Variants in ABTB2 observed in about 807,000 individuals in gnomAD.
ABTB2 encodes the protein ankyrin repeat and BTB/POZ domain-containing protein 2.
Under a neutral mutation model 104.1 loss-of-function variants are expected in ABTB2, and 56 were observed. The ratio of observed to expected loss-of-function variants is 0.54; its 90% CI spans 0.43 to 0.67. The LOEUF is 0.67. Ranked by LOEUF, ABTB2 falls within the 30% of genes least tolerant of loss-of-function variation. The probability of loss-of-function intolerance (pLI) is 0.00; values close to 1 mark genes in which losing one functional copy is unlikely to be tolerated. For missense variants in ABTB2, 1,279 were observed against 1,407.7 expected, an observed-to-expected ratio of 0.91 and a Z score of 1.46; for synonymous variants, 606 against 608.2, an observed-to-expected ratio of 1.00 and a Z score of 0.05.
intron 1 of ABTB2, among the ~76,000 whole-genome samples, chr11:34,220,768 C>G (rs968556919): frequency 6.6e-6 from 1 of 152,160 alleles, no homozygotes; most frequent in Non-Finnish European, 1.5e-5. Flanking sequence ...TATCAATTTG[C>G]TAGGGCTGCC....
Position 34,356,646 on chromosome 11 carries a change from C to T in ABTB2, c.883+55G>A. On this transcript the variant is annotated intron_variant, in intron 1 of 16. Coordinates refer to ENST00000435224, the MANE Select transcript of ABTB2 (RefSeq NM_145804.3). The surrounding 1 kb of genome is among the most constrained non-coding windows in gnomAD (Gnocchi z 4.6). Reference sequence around the variant, plus strand: ...TCAGGAAATTCACTCCCCCAGTAGCCCAGGGCGGGATTTCTTGCCTACCCA... The same window carrying T: ...TCAGGAAATTCACTCCCCCAGTAGCTCAGGGCGGGATTTCTTGCCTACCCA... The T allele has an allele frequency of 3.4e-6, 5 of 1,486,152 alleles. No homozygotes were observed. The highest frequency in any genetic ancestry group is 2.7e-5 in the South Asian group (2 of 73,792). The allele number at this position is 1,486,152 out of a possible 1,614,324, so 92.1% of individuals were successfully genotyped here.
intron 1 of ABTB2, among the ~76,000 whole-genome samples, chr11:34,220,532 G>A (rs1214806350): frequency 1.3e-5 from 2 of 152,180 alleles, no homozygotes; most frequent in African/African-American, 2.4e-5. Context: ...AGGTGCAGCA[G>A]CAGCCACTGT....
chr11:34,335,332 T>A lies in ABTB2; in HGVS notation c.883+21369A>T, dbSNP rs1200949711. 4.0e-6 allele frequency: 4 copies of A among 1,012,266 alleles called. No homozygotes were observed. The African/African-American group carries it at 4.6e-5, about 12-fold the overall frequency. The allele number at this position is 1,012,266 out of a possible 1,614,324, so 62.7% of individuals were successfully genotyped here. A position where few individuals can be genotyped will look rare whatever the true frequency, so the allele number is the denominator to read the frequency against. On this transcript the variant is annotated intron_variant, in intron 1 of 16. Transcript: ENST00000435224. The stretch of plus-strand genomic sequence containing the variant: ...AATGCCAAACCAGATGATGGGTCAG[T>A]AAAGTCAGCCCAATATCCCTCAGCA...
intron 1 of ABTB2, chr11:34,335,959 A>C (rs562564117): frequency 1.4e-4 from 88 of 622,368 alleles, no homozygotes; most frequent in Admixed American, 1.1e-3. Context: ...AAATCCTGGG[A>C]GATAGGAAAA....
intron 1 of ABTB2, among the ~76,000 whole-genome samples, chr11:34,261,138 C>A (rs910164124): frequency 6.6e-6 from 1 of 151,896 alleles, no homozygotes; most frequent in Non-Finnish European, 1.5e-5. Flanking sequence ...CTGCCCCCCC[C>A]AAAAAAAGAC....
chr11:34,338,154 G>A (rs1200293693), intron 1 of ABTB2, among the ~76,000 whole-genome samples: 2 of 152,108 alleles, frequency 1.3e-5, no homozygotes, highest in Non-Finnish European at 2.9e-5. Flanking sequence ...GCCAAGGAGG[G>A]TGGATCACCT....
At chr11:34,307,222 A>G (rs1036083771) in intron 1 of ABTB2, among the ~76,000 whole-genome samples, 1 of 152,098 alleles carries the variant, frequency 6.6e-6, no homozygotes, top group Non-Finnish European at 1.5e-5. Context: ...ACAGCAACCA[A>G]TGCTCCTAGT....
intron 1 of ABTB2, among the ~76,000 whole-genome samples, chr11:34,301,056 A>G (rs1165470835): frequency 6.6e-6 from 1 of 152,190 alleles, no homozygotes; most frequent in Non-Finnish European, 1.5e-5. Flanking sequence ...AGCTTTATCA[A>G]CATCTTTGTG....
chr11:34,227,586 T>C (rs1263443820), intron 1 of ABTB2, among the ~76,000 whole-genome samples: 4 of 152,272 alleles, frequency 2.6e-5, no homozygotes, highest in Non-Finnish European at 5.9e-5. Flanking sequence ...CAATTATTGA[T>C]GAATATTTGG....
At chr11:34,244,035 C>T (rs780076544) in intron 1 of ABTB2, among the ~76,000 whole-genome samples, 15 of 152,222 alleles carry the variant, frequency 9.9e-5, no homozygotes, top group Non-Finnish European at 1.9e-4. Flanking sequence ...TCACAAACCA[C>T]TGTTTCCTTC....
chr11:34,249,770 A>G (rs1854033137), intron 1 of ABTB2, among the ~76,000 whole-genome samples: 1 of 152,160 alleles, frequency 6.6e-6, no homozygotes. Flanking sequence ...ACAGCTTCTG[A>G]GTGGCTGGGA....
intron 1 of ABTB2, among the ~76,000 whole-genome samples, chr11:34,352,404 T>TA (rs1164167877): frequency 3.3e-5 from 5 of 152,012 alleles, no homozygotes; most frequent in Admixed American, 6.6e-5. Flanking sequence ...CCCTGCCCTT[T>TA]AAAAAAAATA....
intron 3 of ABTB2, among the ~76,000 whole-genome samples, chr11:34,196,578 C>T (rs1853259335): frequency 6.6e-6 from 1 of 152,170 alleles, no homozygotes; most frequent in Non-Finnish European, 1.5e-5. Flanking sequence ...GGTATCCTGT[C>T]CTCAGGCTGA....
At chr11:34,338,131 A>C (rs1343432500) in intron 1 of ABTB2, among the ~76,000 whole-genome samples, 2 of 151,962 alleles carry the variant, frequency 1.3e-5, no homozygotes, top group African/African-American at 4.8e-5. Flanking sequence ...CTGTAATTCC[A>C]GCACTTTGGG....
rs549529202 is a variant in ABTB2 at position 34,259,703 on chromosome 11, G to A, written c.884-55013C>T. Reference sequence around the variant, plus strand: ...ATCAGAAATATAACCTATCAATGGCGTTTCAAAACTGGCTGGATCACATTC... The same window carrying A: ...ATCAGAAATATAACCTATCAATGGCATTTCAAAACTGGCTGGATCACATTC... On this transcript the variant is annotated intron_variant, in intron 1 of 16. Transcript: ENST00000435224. Among the ~76,000 whole-genome samples the A allele has an allele frequency of 4.6e-5, 7 of 152,272 alleles. No individual in the cohort carries two copies. In the Middle Eastern group the frequency reaches 0.01, roughly 222 times the overall value.
At chr11:34,187,293 G>A (rs182744744) in intron 3 of ABTB2, among the ~76,000 whole-genome samples, 3 of 152,310 alleles carry the variant, frequency 2.0e-5, no homozygotes, top group East Asian at 1.9e-4. Context: ...ACCAGCAGGC[G>A]TGGGGCCAGG....
intron 1 of ABTB2, among the ~76,000 whole-genome samples, chr11:34,207,669 G>C (rs1853425866): frequency 6.6e-6 from 1 of 152,174 alleles, no homozygotes. Context: ...CCATCTTACA[G>C]CTGAGAAAAC....
At chr11:34,221,629 C>T (rs1853624174) in intron 1 of ABTB2, among the ~76,000 whole-genome samples, 2 of 152,188 alleles carry the variant, frequency 1.3e-5, no homozygotes, top group Non-Finnish European at 2.9e-5. Flanking sequence ...GCAAATCTAG[C>T]CCTCATTCAG....
chr11:34,214,304 G>A (rs2133046484), intron 1 of ABTB2, among the ~76,000 whole-genome samples: 1 of 152,124 alleles, frequency 6.6e-6, no homozygotes. Flanking sequence ...AATGCTTTCT[G>A]CCCTACTATG....
Sources: gnomAD v4.1 joint callset for allele counts (sites outside exome capture counted in the v4.1 genomes callset) on GRCh38, gnomAD v4.1.1 for gene constraint, Gnocchi (gnomAD v3.1) non-coding constraint, MANE v1.5 for transcripts, NCBI Gene and HGNC (gene_info 2026-07-23, HGNC 2026-07-21) for gene names.